Variants in ZNF423 observed in about 807,000 individuals in gnomAD.
ZNF423 encodes the protein Ebf-associated zinc finger protein.
A neutral mutation model predicts 95.8 loss-of-function variants in ZNF423; 12 were observed. The ratio of observed to expected loss-of-function variants is 0.13; its 90% confidence interval spans 0.08 to 0.20. The LOEUF (loss-of-function observed/expected upper bound fraction) is 0.20, where lower values mean the gene tolerates loss of function less well. ZNF423 is among the 10% of genes least tolerant of loss of function. ZNF423 has a pLI of 1.00. For missense variants in ZNF423, 1,316 were observed against 1,737.1 expected, an observed-to-expected ratio of 0.76 and a Z score of 4.31; for synonymous variants, 749 against 711.9, an observed-to-expected ratio of 1.05 and a Z score of -0.83.
At chr16:49,544,868 C>A (rs758333981) in intron 5 of ZNF423, among the ~76,000 whole-genome samples, 5 of 152,260 alleles carry the variant, frequency 3.3e-5, no homozygotes, top group Admixed American at 6.5e-5. Context: ...AGCGCCCAAG[C>A]GCAGGGTGCA....
chr16:49,592,407 T>C (rs1971038085), intron 5 of ZNF423, among the ~76,000 whole-genome samples: 1 of 152,098 alleles, frequency 6.6e-6, no homozygotes, highest in Non-Finnish European at 1.5e-5. Context: ...ATTAGGAAAA[T>C]TGATAACAAC....
intron 5 of ZNF423, among the ~76,000 whole-genome samples, chr16:49,531,981 G>A (rs58174773): frequency 0.11 from 16,762 of 152,184 alleles, 1,118 homozygotes; most frequent in East Asian, 0.18. Flanking sequence ...ACCACTGAGC[G>A]CGATACAAGG....
chr16:49,779,056 ACT>A (rs566821777), intron 2 of ZNF423, among the ~76,000 whole-genome samples: 217 of 152,012 alleles, frequency 1.4e-3, no homozygotes, highest in African/African-American at 5.0e-3. Flanking sequence ...AGTGAACAAA[ACT>A]CAGGCCCTGC....
intron 5 of ZNF423, among the ~76,000 whole-genome samples, chr16:49,529,830 G>A (rs1203149565): frequency 3.9e-5 from 6 of 152,024 alleles, no homozygotes; most frequent in African/African-American, 9.7e-5. Context: ...CATTGTTCTC[G>A]GGCTCTGGTG....
At chr16:49,737,727 A>G (rs1015791289) in intron 2 of ZNF423, among the ~76,000 whole-genome samples, 9 of 152,146 alleles carry the variant, frequency 5.9e-5, no homozygotes, top group Non-Finnish European at 2.9e-5. Context: ...CACATTTCCT[A>G]CCTTCCCAGC....
At chr16:49,746,276 G>A (rs553188815) in intron 2 of ZNF423, among the ~76,000 whole-genome samples, 3 of 152,202 alleles carry the variant, frequency 2.0e-5, no homozygotes, top group African/African-American at 2.4e-5. Context: ...AAGAAAATGT[G>A]GGACAAAGAG....
chr16:49,608,165 A>G (rs1258714889), intron 5 of ZNF423, among the ~76,000 whole-genome samples: 1 of 152,230 alleles, frequency 6.6e-6, no homozygotes, highest in African/African-American at 2.4e-5. Flanking sequence ...ATCAGCTCCT[A>G]GGAGGATAAA....
At chr16:49,849,004 A>G (rs1336955170) in intron 1 of ZNF423, among the ~76,000 whole-genome samples, 2 of 152,186 alleles carry the variant, frequency 1.3e-5, no homozygotes, top group Non-Finnish European at 2.9e-5. Flanking sequence ...CAGGCATCTA[A>G]AAAATATCCA....
chr16:49,498,091 G>A (rs1398662038), intron 7 of ZNF423, among the ~76,000 whole-genome samples: 3 of 152,196 alleles, frequency 2.0e-5, no homozygotes, highest in Non-Finnish European at 2.9e-5. Flanking sequence ...ACAACAGCAC[G>A]AAGGTGGGAA....
At chr16:49,668,009 G>A (rs996991429) in intron 3 of ZNF423, among the ~76,000 whole-genome samples, 2 of 152,132 alleles carry the variant, frequency 1.3e-5, no homozygotes, top group Non-Finnish European at 2.9e-5. Context: ...GCCCAGCCCC[G>A]CTCCACCTTC....
chr16:49,838,225 GCCTGGGCA>G (rs530724883), intron 1 of ZNF423, among the ~76,000 whole-genome samples: 180 of 152,314 alleles, frequency 1.2e-3, no homozygotes, highest in Middle Eastern at 3.4e-3. Flanking sequence ...CACCACGCAG[GCCTGGGCA>G]CCTTGCAGGG....
intron 5 of ZNF423, among the ~76,000 whole-genome samples, chr16:49,616,748 G>C (rs1047105954): frequency 6.6e-6 from 1 of 152,174 alleles, no homozygotes; most frequent in African/African-American, 2.4e-5. Flanking sequence ...ACAAGGCAGA[G>C]AGAGGGGGCC....
intron 3 of ZNF423, among the ~76,000 whole-genome samples, chr16:49,727,160 G>C (rs559352793): frequency 1.2e-4 from 19 of 152,348 alleles, no homozygotes; most frequent in African/African-American, 4.1e-4. Context: ...ACAAATGAGA[G>C]CGAGAGGGAG....
intron 3 of ZNF423, among the ~76,000 whole-genome samples, chr16:49,639,772 C>T (rs1470646014): frequency 6.6e-6 from 1 of 152,196 alleles, no homozygotes; most frequent in Non-Finnish European, 1.5e-5. Context: ...CAGACTCCAG[C>T]CAGTCCCACC....
intron 5 of ZNF423, among the ~76,000 whole-genome samples, chr16:49,604,257 G>A (rs1253584026): frequency 6.6e-6 from 1 of 152,220 alleles, no homozygotes; most frequent in African/African-American, 2.4e-5. Flanking sequence ...CCAGCCACCT[G>A]TGAGAGAGTG....
At chr16:49,724,507 C>T (rs2032954183) in intron 3 of ZNF423, among the ~76,000 whole-genome samples, 1 of 152,232 alleles carries the variant, frequency 6.6e-6, no homozygotes, top group Non-Finnish European at 1.5e-5. Flanking sequence ...CACTGCACGA[C>T]CAAAACAGAG....
At chr16:49,596,224 C>T (rs1483946586) in intron 5 of ZNF423, among the ~76,000 whole-genome samples, 1 of 152,286 alleles carries the variant, frequency 6.6e-6, no homozygotes, top group African/African-American at 2.4e-5. Context: ...AGCTCCATTC[C>T]GGCAAGTTTT....
intron 5 of ZNF423, among the ~76,000 whole-genome samples, chr16:49,535,373 A>T (rs1384936850): frequency 6.6e-6 from 1 of 152,234 alleles, no homozygotes; most frequent in Non-Finnish European, 1.5e-5. Flanking sequence ...TCTCTGAGTG[A>T]TCAGCAATTG....
intron 5 of ZNF423, among the ~76,000 whole-genome samples, chr16:49,581,545 T>C (rs867071311): frequency 5.9e-5 from 9 of 152,226 alleles, no homozygotes; most frequent in Non-Finnish European, 1.3e-4. Flanking sequence ...AAAATTTGAA[T>C]ACTGTTTCTT....
Sources: allele counts gnomAD v4.1 joint callset (sites outside exome capture counted in the v4.1 genomes callset), GRCh38; gene constraint gnomAD v4.1.1; transcripts MANE v1.5; gene names NCBI Gene and HGNC (gene_info 2026-07-23, HGNC 2026-07-21).